The following DLC1 variants were observed in gnomAD, a reference collection of about 807,000 sequenced individuals.
DLC1 encodes the protein DLC1 Rho GTPase activating protein, also known as rho GTPase-activating protein 7.
DLC1 carries 54 observed loss-of-function variants against 140.3 expected under a neutral mutation model. That is an observed-to-expected ratio of 0.38 (90% CI 0.31 to 0.48). The LOEUF (loss-of-function observed/expected upper bound fraction) is 0.48, where lower values mean the gene tolerates loss of function less well. Ranked by LOEUF, DLC1 falls within the 20% of genes least tolerant of loss-of-function variation. The pLI is 0.96. For synonymous variants in DLC1, 986 were observed against 728.1 expected (o/e 1.35, Z -5.70); for missense variants, 2,536 against 1,907.0 (o/e 1.33, Z -6.14).
At chr8:13,453,420 A>ATTTTTTTTTTTTTTTTTTTTTTT (rs1218533007) in intron 2 of DLC1, among the ~76,000 whole-genome samples, 3 of 22,704 alleles carry the variant, frequency 1.3e-4, no homozygotes, top group South Asian at 1.4e-3. Flanking sequence ...ATATATATAT[A>ATTTTTTTTTTTTTTTTTTTTTTT]TATGTGTATA....
intron 2 of DLC1, among the ~76,000 whole-genome samples, chr8:13,434,019 C>T (rs1291351535): frequency 2.0e-5 from 3 of 152,242 alleles, no homozygotes; most frequent in African/African-American, 7.2e-5. Flanking sequence ...CCATGCCCGG[C>T]TAATTTTGTT....
chr8:13,184,544 A>G (rs1826234374), intron 5 of DLC1, among the ~76,000 whole-genome samples: 1 of 152,108 alleles, frequency 6.6e-6, no homozygotes, highest in South Asian at 2.1e-4. Context: ...TTCTGCCTTC[A>G]TTTCATTATT....
At chr8:13,087,678 T>C (rs1817680533) in intron 16 of DLC1, among the ~76,000 whole-genome samples, 1 of 152,228 alleles carries the variant, frequency 6.6e-6, no homozygotes, top group Non-Finnish European at 1.5e-5. Context: ...CATTTTTCTA[T>C]TTCACAAATG....
At chr8:13,446,367 T>C (rs1212214950) in intron 2 of DLC1, among the ~76,000 whole-genome samples, 2 of 152,222 alleles carry the variant, frequency 1.3e-5, no homozygotes, top group Non-Finnish European at 2.9e-5. Context: ...CAAATTGTGA[T>C]AAATGTAAAC....
rs149620947 is a variant in DLC1, at chr8:13,499,892, T to C, written c.180A>G (p.Ser60=). 27 of 1,614,010 alleles carry C rather than the reference T, an allele frequency of 1.7e-5. No homozygotes were observed. In the African/African-American group the frequency reaches 2.3e-4, roughly 14 times the overall value. ...LNVDRKEKCV[S]LPDCCHGSEL... The stretch of plus-strand genomic sequence containing the variant: ...CTGATCCATGACAGCAGTCAGGTAG[T>C]GAAACACACTTCTCTTTGCGGTCCA... The change falls in exon 2 of 18, where the codon TCA becomes TCG. Residue 60 remains serine (S), a synonymous_variant. Coordinates refer to ENST00000276297, the MANE Select transcript of DLC1 (RefSeq NM_182643.3).
intron 2 of DLC1, among the ~76,000 whole-genome samples, chr8:13,455,160 T>C (rs905286933): frequency 6.6e-6 from 1 of 152,208 alleles, no homozygotes; most frequent in African/African-American, 2.4e-5. Flanking sequence ...TTTTATTTAT[T>C]AAAGCAAATA....
intron 4 of DLC1, among the ~76,000 whole-genome samples, chr8:13,308,503 A>C (rs770565601): frequency 7.9e-5 from 12 of 152,174 alleles, no homozygotes; most frequent in Admixed American, 3.3e-4. Flanking sequence ...TACATTGTTA[A>C]ATTTCTGAAA....
chr8:13,445,884 A>G (rs1798752672), intron 2 of DLC1, among the ~76,000 whole-genome samples: 1 of 152,116 alleles, frequency 6.6e-6, no homozygotes, highest in Non-Finnish European at 1.5e-5. Context: ...AAAGAAATAG[A>G]CATTTTAGAC....
chr8:13,502,370 A>G (rs1488487831), intron 1 of DLC1, among the ~76,000 whole-genome samples: 1 of 152,174 alleles, frequency 6.6e-6, no homozygotes, highest in Non-Finnish European at 1.5e-5. Context: ...TTTTTAAGAT[A>G]TGCAATTTCT....
rs546164995 is a variant in DLC1, at chr8:13,155,315, G to T, written c.1349-39658C>A. On this transcript the variant is annotated intron_variant, in intron 5 of 17. Transcript: ENST00000276297. ...TCAGTAAATATCCTGGTGCCTGTAG[G>T]TTTTTTATGGTGAGCACATGACAAA... Among the ~76,000 whole-genome samples, 7 of 150,492 alleles carry T rather than the reference G, an allele frequency of 4.7e-5. No individual in the cohort carries two copies. In the East Asian group the frequency reaches 1.4e-3, roughly 29 times the overall value.
At chr8:13,174,783 C>G (rs983659050) in intron 5 of DLC1, among the ~76,000 whole-genome samples, 2 of 152,072 alleles carry the variant, frequency 1.3e-5, no homozygotes, top group Non-Finnish European at 2.9e-5. Flanking sequence ...ATGCAGAGTT[C>G]AGGAATATTT....
At chr8:13,289,297 C>G (rs1358453400) in intron 5 of DLC1, among the ~76,000 whole-genome samples, 3 of 152,118 alleles carry the variant, frequency 2.0e-5, no homozygotes, top group Non-Finnish European at 4.4e-5. Context: ...TTCAAGCTAT[C>G]TTCCTGCCTC....
chr8:13,490,332 C>T (rs1481681), intron 2 of DLC1, among the ~76,000 whole-genome samples: 130,855 of 152,238 alleles, frequency 0.86, 56,978 homozygotes, highest in Non-Finnish European at 0.94. Context: ...AAGTTTATTT[C>T]TCCCAGTTAC....
At chr8:13,250,107 C>T (rs967775893) in intron 5 of DLC1, among the ~76,000 whole-genome samples, 3 of 152,208 alleles carry the variant, frequency 2.0e-5, no homozygotes, top group Non-Finnish European at 4.4e-5. Context: ...GTCCCCATTG[C>T]CTGGCACAAT....
intron 1 of DLC1, among the ~76,000 whole-genome samples, chr8:13,593,148 A>G (rs959123900): frequency 6.6e-6 from 1 of 152,104 alleles, no homozygotes; most frequent in Admixed American, 6.6e-5. Context: ...GATAATTTTA[A>G]TAAGAGCCAT....
intron 2 of DLC1, among the ~76,000 whole-genome samples, chr8:13,427,862 G>A (rs572971399): frequency 3.9e-5 from 6 of 152,264 alleles, no homozygotes; most frequent in Non-Finnish European, 5.9e-5. Context: ...TGGGATGCAG[G>A]AATGATGTCT....
Position 13,364,534 on chromosome 8 carries a change from T to A in DLC1, c.1314+29019A>T, listed in dbSNP as rs570532829. Among the ~76,000 whole-genome samples the A allele has an allele frequency of 3.9e-5, 6 of 152,250 alleles. No homozygotes were observed. The South Asian group carries it at 1.2e-3, about 32-fold the overall frequency. Reference sequence around the variant, plus strand: ...CTGGTCTCGAACTCCCAACCTCAGGTGATCCTCCCGCCTTGGCCTTCCAAA... The same window carrying A: ...CTGGTCTCGAACTCCCAACCTCAGGAGATCCTCCCGCCTTGGCCTTCCAAA... On this transcript the variant is annotated intron_variant, in intron 4 of 17. Coordinates refer to ENST00000276297, the MANE Select transcript of DLC1 (RefSeq NM_182643.3).
At chr8:13,170,634 G>A (rs1825404494) in intron 5 of DLC1, among the ~76,000 whole-genome samples, 1 of 151,222 alleles carries the variant, frequency 6.6e-6, no homozygotes, top group African/African-American at 2.4e-5. Flanking sequence ...GGAGGCTGAG[G>A]CAGGAGAATG....
At chr8:13,091,003 T>C (rs1182775015) in intron 14 of DLC1, among the ~76,000 whole-genome samples, 1 of 151,714 alleles carries the variant, frequency 6.6e-6, no homozygotes, top group Non-Finnish European at 1.5e-5. Flanking sequence ...AGATGAGGTC[T>C]CACCATGTTG....
Sources: gnomAD v4.1 joint callset for allele counts (sites outside exome capture counted in the v4.1 genomes callset) on GRCh38, gnomAD v4.1.1 for gene constraint, MANE v1.5 for transcripts, NCBI Gene and HGNC (gene_info 2026-07-23, HGNC 2026-07-21) for gene names.